JARID2: variants seen among roughly 807,000 people sequenced by gnomAD.
The protein encoded by JARID2 is protein Jumonji.
Under a neutral mutation model 125.6 loss-of-function variants are expected in JARID2, and 21 were observed. That is an observed-to-expected ratio of 0.17 (90% CI 0.12 to 0.24). The LOEUF is 0.24. Among genes scored for constraint, JARID2 ranks in the 10% least tolerant of loss-of-function variants. JARID2 has a pLI of 1.00. For missense variants in JARID2, 1,303 were observed against 1,639.6 expected (o/e 0.79, Z 3.55); for synonymous variants, 736 against 661.6 (o/e 1.11, Z -1.73).
chr6:15,370,885 T>C (rs1764143276), intron 1 of JARID2, among the ~76,000 whole-genome samples: 1 of 152,182 alleles, frequency 6.6e-6, no homozygotes, highest in African/African-American at 2.4e-5. Context: ...TGGGACTATT[T>C]GGAATTATTA....
intron 2 of JARID2, among the ~76,000 whole-genome samples, chr6:15,388,580 T>C (rs1343724913): frequency 4.9e-5 from 6 of 122,568 alleles, no homozygotes; most frequent in Non-Finnish European, 1.0e-4. Context: ...TTTTATAATA[T>C]ATTATAAAAT....
At position 15,496,525 on chromosome 6, in the gene JARID2, C is replaced by T. The variant is rs779068407; in HGVS notation, c.1300C>T (p.Arg434Trp). The T allele has an allele frequency of 2.5e-6, 4 of 1,603,478 alleles. No individual in the cohort carries two copies. Among genetic ancestry groups the T allele is most frequent in the East Asian group, 2.2e-5 (1 of 44,764 alleles). ...GCAGCTGCGGGAGGGCCTGCAGCTG[C>T]GGGAGGGGCTGCGGAACTCCAAGAG... ...GRQLREGLQL[R>W]EGLRNSKRRL... is the part of the protein sequence containing the mutation. The change falls in exon 7 of 18, where the codon CGG becomes TGG. Residue 434 changes from arginine (R) to tryptophan (W), a missense_variant. Physicochemically the swap from Arg to Trp is moderately radical, Grantham distance 101 (BLOSUM62 -3). Coordinates refer to ENST00000341776, the MANE Select transcript of JARID2 (RefSeq NM_004973.4).
intron 3 of JARID2, among the ~76,000 whole-genome samples, chr6:15,449,843 G>C (rs1767838071): frequency 6.6e-6 from 1 of 152,024 alleles, no homozygotes; most frequent in African/African-American, 2.4e-5. Context: ...ATGGTCATAG[G>C]GGAGACAAGA....
intron 1 of JARID2, among the ~76,000 whole-genome samples, chr6:15,306,332 T>TTG (rs1554121968): frequency 7.6e-6 from 1 of 132,376 alleles, no homozygotes; most frequent in East Asian, 2.3e-4. Flanking sequence ...ATATTTCTTT[T>TTG]TTTTTTTTTT....
chr6:15,403,347 G>C (rs576355261), intron 2 of JARID2, among the ~76,000 whole-genome samples: 1 of 152,176 alleles, frequency 6.6e-6, no homozygotes, highest in Non-Finnish European at 1.5e-5. Flanking sequence ...CCCTGGGATT[G>C]TTGGTTAGGA....
At chr6:15,437,038 G>T (rs115971898) in intron 3 of JARID2, among the ~76,000 whole-genome samples, 1 of 151,990 alleles carries the variant, frequency 6.6e-6, no homozygotes. Flanking sequence ...TCCTTCAGCC[G>T]TGTGATTTTA....
chr6:15,289,921 T>A (rs966841581), intron 1 of JARID2, among the ~76,000 whole-genome samples: 1 of 152,200 alleles, frequency 6.6e-6, no homozygotes, highest in African/African-American at 2.4e-5. Context: ...AATTGTGGAA[T>A]GTACAAGTCA....
At chr6:15,473,514 G>GCCCCCCCCCCCCC (rs3841758) in intron 5 of JARID2, among the ~76,000 whole-genome samples, 1 of 35,066 alleles carries the variant, frequency 2.9e-5, no homozygotes, top group Non-Finnish European at 7.4e-5. Flanking sequence ...TGATGTGCGT[G>GCCCCCCCCCCCCC]CCCCCCCCCC....
Position 15,413,008 on chromosome 6 carries a change from G to GTTTTTTTTTTTTTTTTTTTTT in JARID2, c.323+2657_323+2658insTTTTTTTTTTTTTTTTTTTTT, listed in dbSNP as rs1041543140. Among the ~76,000 whole-genome samples, 22 of 47,492 alleles carry GTTTTTTTTTTTTTTTTTTTTT rather than the reference G, an allele frequency of 4.6e-4. 1 individual carries two copies. The highest frequency in any genetic ancestry group is 9.1e-4 in the African/African-American group (9 of 9,840). The allele number at this position is 47,492 out of a possible 152,430, so 31.2% of individuals were successfully genotyped here. A position where few individuals can be genotyped will look rare whatever the true frequency, so the allele number is the denominator to read the frequency against. On this transcript the variant is annotated intron_variant, in intron 3 of 17. Coordinates refer to ENST00000341776, the MANE Select transcript of JARID2 (RefSeq NM_004973.4). ...ATACATGGGAAGAGCTTGTGTTTTTGTTTTTTTTTTTTTTGTTTTTTTTTT... is the reference window on the plus strand; with the variant it reads ...ATACATGGGAAGAGCTTGTGTTTTTGTTTTTTTTTTTTTTTTTTTTTTTTTTTTTTTTTTTGTTTTTTTTTT...
At chr6:15,373,986 C>G (rs1764260546) in intron 1 of JARID2, 131 bp from the exon 2 acceptor site, 1 of 993,186 alleles carries the variant, frequency 1.0e-6, no homozygotes, top group East Asian at 2.4e-5. Flanking sequence ...GGGTGTAATT[C>G]TGACATTGAG....
In JARID2 at chr6:15,504,523, T is replaced by C. The variant is rs1012114530; in HGVS notation, c.2472T>C (p.Thr824=). ...IYKGRSVSLT[T]FYRTARNIMS... ...AGGGAAGGTCTGTTTCTCTAACAACTTTTTATCGAACAGCGAGGAATATCA... is the reference window on the plus strand; with the variant it reads ...AGGGAAGGTCTGTTTCTCTAACAACCTTTTATCGAACAGCGAGGAATATCA... The change falls in exon 9 of 18, where the codon ACT becomes ACC. Residue 824 remains threonine, a synonymous_variant. Coordinates refer to ENST00000341776, the MANE Select transcript of JARID2 (RefSeq NM_004973.4). 1 of 1,613,794 alleles carries C rather than the reference T, an allele frequency of 6.2e-7. No individual in the cohort carries two copies. Among genetic ancestry groups the C allele is most frequent in the Admixed American group, 1.7e-5 (1 of 60,018 alleles).
intron 16 of JARID2, among the ~76,000 whole-genome samples, chr6:15,516,024 C>T (rs907634863): frequency 1.3e-5 from 2 of 151,198 alleles, no homozygotes; most frequent in African/African-American, 4.9e-5. Flanking sequence ...GTTATAAATC[C>T]ATAGGCAAAA....
intron 1 of JARID2, among the ~76,000 whole-genome samples, chr6:15,285,878 G>A (rs1424313648): frequency 6.6e-6 from 1 of 152,148 alleles, no homozygotes; most frequent in Admixed American, 6.5e-5. Flanking sequence ...CATGCATTAT[G>A]TATCACACTT....
intron 3 of JARID2, among the ~76,000 whole-genome samples, chr6:15,444,951 C>T (rs896666005): frequency 1.3e-5 from 2 of 152,058 alleles, no homozygotes; most frequent in Non-Finnish European, 2.9e-5. Flanking sequence ...CCCCCTTGCT[C>T]CTGCTTGATC....
intron 1 of JARID2, among the ~76,000 whole-genome samples, chr6:15,305,403 CT>C (rs1458162009): frequency 2.0e-5 from 3 of 152,170 alleles, no homozygotes; most frequent in African/African-American, 7.2e-5. Context: ...GGGGAAAAGC[CT>C]CCTGAGCAGC....
In JARID2 at chr6:15,468,631, G is replaced by A. The variant is rs200497643; in HGVS notation, c.583G>A (p.Val195Ile). 58 of 1,614,080 alleles carry A rather than the reference G, an allele frequency of 3.6e-5. No individual in the cohort carries two copies. The African/African-American group carries it at 4.5e-4, about 13-fold the overall frequency. Residue 195 changes from valine to isoleucine, a missense_variant, in exon 5 of 18, where the codon GTC (valine) becomes ATC (isoleucine). Val to Ile is a conservative substitution (Grantham distance 29). This residue lies in a region of JARID2 where 651 missense variants were observed against 581.6 expected (regional missense o/e 1.12). Coordinates refer to ENST00000341776, the MANE Select transcript of JARID2 (RefSeq NM_004973.4). ...GGAGGAAGATGATGAGACAGAAGAC[G>A]TCAAAACAGCCACCAACAATGCTTC... ...VEEEDDETED[V>I]KTATNNASSS...
chr6:15,279,082 CTG>C (rs1020646873), intron 1 of JARID2, among the ~76,000 whole-genome samples: 1 of 141,068 alleles, frequency 7.1e-6, no homozygotes, highest in African/African-American at 3.1e-5. Context: ...CAGAATGAAA[CTG>C]TGTCTCCAAA....
At chr6:15,515,392 T>C (rs1443379999) in intron 16 of JARID2, among the ~76,000 whole-genome samples, 1 of 152,190 alleles carries the variant, frequency 6.6e-6, no homozygotes, top group East Asian at 1.9e-4. Context: ...GTGAAGCTGG[T>C]CTGTCCCTGT....
intron 1 of JARID2, among the ~76,000 whole-genome samples, chr6:15,298,044 C>T (rs1360495724): frequency 1.3e-5 from 2 of 152,128 alleles, no homozygotes; most frequent in African/African-American, 2.4e-5. Flanking sequence ...TTCCTTTCCT[C>T]TTCTTAGGAG....
Sources: gnomAD v4.1 joint callset for allele counts (sites outside exome capture counted in the v4.1 genomes callset) on GRCh38, gnomAD v4.1.1 for gene constraint, gnomAD v4.1.1 regional missense constraint, MANE v1.5 for transcripts, NCBI Gene and HGNC (gene_info 2026-07-23, HGNC 2026-07-21) for gene names.